METTL16: variants seen among roughly 807,000 people sequenced by gnomAD.
METTL16 encodes methyltransferase 16, RNA N6-adenosine.
In METTL16, 19 loss-of-function variants were observed where a neutral mutation model predicts 57.9. That is an observed-to-expected ratio of 0.33 (90% CI 0.23 to 0.48). METTL16 has a LOEUF of 0.48. Among genes scored for constraint, METTL16 ranks in the 20% least tolerant of loss-of-function variants. The pLI, the probability that METTL16 is intolerant of heterozygous loss-of-function variation, is 0.99. For synonymous variants in METTL16, 246 were observed against 255.6 expected (o/e 0.96, Z 0.36); for missense variants, 434 against 691.5 (o/e 0.63, Z 4.18).
intron 6 of METTL16, among the ~76,000 whole-genome samples, chr17:2,462,265 C>CCTAGAGTAG (rs1225392518): frequency 1.3e-5 from 2 of 152,114 alleles, no homozygotes; most frequent in African/African-American, 4.8e-5. Flanking sequence ...GTATGAAGTG[C>CCTAGAGTAG]CTAGAGTAGT....
intron 6 of METTL16, among the ~76,000 whole-genome samples, chr17:2,453,304 T>C (rs1182721465): frequency 6.6e-6 from 1 of 152,224 alleles, no homozygotes; most frequent in African/African-American, 2.4e-5. Flanking sequence ...ACAAGGCCCC[T>C]TAGGATTGCG....
In METTL16 at chr17:2,420,628, A is replaced by G; in HGVS notation, c.1063-32T>C. 1 of 1,575,346 alleles carries G rather than the reference A, an allele frequency of 6.3e-7. No individual in the cohort carries two copies. Reference sequence around the variant, plus strand: ...GGAGGAAAAACAGAATTTTGTGGGAAATCACGTTTCCCCTCTCTCCAAACT... The same window carrying G: ...GGAGGAAAAACAGAATTTTGTGGGAGATCACGTTTCCCCTCTCTCCAAACT... On this transcript the variant is annotated intron_variant, in intron 9 of 9. Coordinates refer to ENST00000263092, the MANE Select transcript of METTL16 (RefSeq NM_024086.4). The surrounding 1 kb of genome is among the most constrained non-coding windows in gnomAD (Gnocchi z 5.4).
chr17:2,509,661 T>C (rs2067573201), intron 1 of METTL16, among the ~76,000 whole-genome samples: 1 of 152,150 alleles, frequency 6.6e-6, no homozygotes, highest in Non-Finnish European at 1.5e-5. Context: ...AGGCCAAGAC[T>C]GGAGGATCAC....
At chr17:2,459,572 G>A (rs2067134657) in intron 6 of METTL16, among the ~76,000 whole-genome samples, 1 of 152,034 alleles carries the variant, frequency 6.6e-6, no homozygotes, top group South Asian at 2.1e-4. Flanking sequence ...CATTCTACAG[G>A]GATAAGAAAC....
At chr17:2,454,950 T>C (rs1026830291) in intron 6 of METTL16, among the ~76,000 whole-genome samples, 1 of 152,126 alleles carries the variant, frequency 6.6e-6, no homozygotes, top group East Asian at 1.9e-4. Flanking sequence ...AGATGGAGTC[T>C]CGCTCTGTTG....
At chr17:2,495,393 C>T (rs371935748) in intron 2 of METTL16, among the ~76,000 whole-genome samples, 1 of 152,046 alleles carries the variant, frequency 6.6e-6, no homozygotes, top group African/African-American at 2.4e-5. Context: ...CAACATTAAT[C>T]GAATATGAAA....
chr17:2,464,948 A>T (rs1380023678), intron 5 of METTL16, among the ~76,000 whole-genome samples: 2 of 152,194 alleles, frequency 1.3e-5, no homozygotes, highest in Non-Finnish European at 2.9e-5. Flanking sequence ...CGAATTAAAA[A>T]CTTCTGAGCT....
At chr17:2,493,134 T>C (rs2067413740) in intron 2 of METTL16, among the ~76,000 whole-genome samples, 1 of 149,750 alleles carries the variant, frequency 6.7e-6, no homozygotes, top group South Asian at 2.1e-4. Context: ...TTCTTCTTTT[T>C]TTTTTTTTTT....
At chr17:2,500,721 A>G (rs2151579624) in intron 2 of METTL16, among the ~76,000 whole-genome samples, 1 of 152,348 alleles carries the variant, frequency 6.6e-6, no homozygotes, top group Non-Finnish European at 1.5e-5. Flanking sequence ...ATGCAGTTAG[A>G]GATAGTTCTT....
chr17:2,510,730 A>G (rs1218231864), intron 1 of METTL16, among the ~76,000 whole-genome samples: 1 of 151,830 alleles, frequency 6.6e-6, no homozygotes, highest in Non-Finnish European at 1.5e-5. Context: ...TGATGGAATC[A>G]TAGCTCCCTG....
chr17:2,471,616 C>T (rs1202266379), intron 4 of METTL16, among the ~76,000 whole-genome samples: 1 of 151,902 alleles, frequency 6.6e-6, no homozygotes, highest in African/African-American at 2.4e-5. Context: ...AGTGAAACCC[C>T]GTCTCTACTG....
chr17:2,468,559 AG>A (rs748189828), intron 4 of METTL16, among the ~76,000 whole-genome samples: 3 of 152,236 alleles, frequency 2.0e-5, no homozygotes, highest in Non-Finnish European at 4.4e-5. Context: ...TATGACCCAT[AG>A]GAACTAGGAG....
chr17:2,503,954 G>A (rs1197932005), intron 1 of METTL16, among the ~76,000 whole-genome samples: 1 of 151,968 alleles, frequency 6.6e-6, no homozygotes, highest in Non-Finnish European at 1.5e-5. Flanking sequence ...CAATACATAT[G>A]ATCAACAAAA....
intron 2 of METTL16, among the ~76,000 whole-genome samples, chr17:2,496,970 C>T (rs905189308): frequency 1.3e-5 from 2 of 151,564 alleles, no homozygotes; most frequent in Non-Finnish European, 2.9e-5. Flanking sequence ...AGTCTCATGC[C>T]ACTTATGTAT....
At chr17:2,421,605 A>G (rs2066766373) in intron 8 of METTL16, among the ~76,000 whole-genome samples, 1 of 152,172 alleles carries the variant, frequency 6.6e-6, no homozygotes. Context: ...GCAGACCTGC[A>G]CAATTATTTA....
At chr17:2,509,062 A>G (rs1273756724) in intron 1 of METTL16, among the ~76,000 whole-genome samples, 1 of 151,504 alleles carries the variant, frequency 6.6e-6, no homozygotes, top group African/African-American at 2.4e-5. Flanking sequence ...CCCACAATCC[A>G]ATCAGATGCC....
intron 1 of METTL16, among the ~76,000 whole-genome samples, chr17:2,507,373 G>T (rs1001188533): frequency 6.7e-6 from 1 of 148,888 alleles, no homozygotes; most frequent in Non-Finnish European, 1.5e-5. Flanking sequence ...CCGGGAGGGA[G>T]GTGGGGGGGT....
rs71362532 is a variant in METTL16, at chr17:2,428,564, A to AATAT, written c.889-7664_889-7661dup. ...AAAAAAAAAAAAAAAAAAAAAAAAA[A>AATAT]ATATATATATATATATATATATATA... On this transcript the variant is annotated intron_variant, in intron 8 of 9. Transcript: ENST00000263092. Among the ~76,000 whole-genome samples the AATAT allele has an allele frequency of 9.1e-3, 284 of 31,258 alleles. 5 individuals are homozygous for AATAT. Among genetic ancestry groups the AATAT allele is most frequent in the Non-Finnish European group, 0.012 (234 of 19,960 alleles). 20.5% of individuals were successfully genotyped at this position (31,258 alleles called of 152,430 possible).
chr17:2,468,394 A>T (rs1388160233), intron 4 of METTL16, among the ~76,000 whole-genome samples: 2 of 152,164 alleles, frequency 1.3e-5, no homozygotes, highest in Non-Finnish European at 2.9e-5. Context: ...GTTTCCTTCC[A>T]AGAGTCGTGT....
Sources: gnomAD v4.1 joint callset for allele counts (sites outside exome capture counted in the v4.1 genomes callset) on GRCh38, gnomAD v4.1.1 for gene constraint, Gnocchi (gnomAD v3.1) non-coding constraint, MANE v1.5 for transcripts, NCBI Gene and HGNC (gene_info 2026-07-23, HGNC 2026-07-21) for gene names.